Variants in KDM5B observed in about 807,000 individuals in gnomAD.
KDM5B encodes the protein lysine-specific demethylase 5B.
KDM5B carries 144 observed loss-of-function variants against 193.4 expected under a neutral mutation model. The observed-to-expected ratio is 0.74, with a 90% CI of 0.65 to 0.86. KDM5B has a LOEUF of 0.86. KDM5B is among the 40% of genes least tolerant of loss of function. The probability of loss-of-function intolerance (pLI) is 0.00; values close to 1 mark genes in which losing one functional copy is unlikely to be tolerated. For missense variants in KDM5B, 1,833 were observed against 1,886.9 expected (o/e 0.97, Z 0.53); for synonymous variants, 668 against 682.6 (o/e 0.98, Z 0.33).
At chr1:202,783,748 G>A (rs1302936780) in intron 1 of KDM5B, among the ~76,000 whole-genome samples, 1 of 152,092 alleles carries the variant, frequency 6.6e-6, no homozygotes, top group Admixed American at 6.5e-5. Context: ...AGGCGTGGTG[G>A]CGGGCGCCTG....
At chr1:202,772,176 G>A (rs1656747926) in intron 4 of KDM5B, among the ~76,000 whole-genome samples, 1 of 152,142 alleles carries the variant, frequency 6.6e-6, no homozygotes, top group African/African-American at 2.4e-5. Context: ...AAAGTTATAG[G>A]ACTCACTGCT....
rs1656796779 is a variant in KDM5B, at chr1:202,773,254, CA to C, written c.439del (p.Cys147AlafsTer45). On this transcript the variant is annotated frameshift_variant, in exon 4 of 27. Coordinates refer to ENST00000367265, the MANE Select transcript of KDM5B (RefSeq NM_006618.5). LOFTEE classifies it high-confidence loss of function. ...VAEEGGFAVV[C>X]KDRKWTKIAT... ...AATTTTGGTCCATTTTCTATCCTTG[CA>C]AACAACTGCAAATCCACCTTCTTCT... 1 of 1,613,944 alleles carries C rather than the reference CA, an allele frequency of 6.2e-7. No individual in the cohort carries two copies. Among genetic ancestry groups the C allele is most frequent in the African/African-American group, 1.3e-5 (1 of 74,904 alleles).
chr1:202,772,580 T>C (rs1219404101), intron 4 of KDM5B, among the ~76,000 whole-genome samples: 1 of 152,158 alleles, frequency 6.6e-6, no homozygotes, highest in African/African-American at 2.4e-5. Flanking sequence ...CTCCTCAGCT[T>C]TGGACAGTAA....
At chr1:202,767,689 G>A (rs1391578922) in intron 4 of KDM5B, among the ~76,000 whole-genome samples, 1 of 151,786 alleles carries the variant, frequency 6.6e-6, no homozygotes, top group Non-Finnish European at 1.5e-5. Context: ...CATCTATACA[G>A]GTTTAAAACA....
At position 202,741,527 on chromosome 1, in the gene KDM5B, C is replaced by A. The variant is rs781301992; in HGVS notation, c.2785G>T (p.Asp929Tyr). The A allele has an allele frequency of 6.2e-7, 1 of 1,614,190 alleles. No individual in the cohort carries two copies. Among genetic ancestry groups the A allele is most frequent in the Non-Finnish European group, 8.5e-7 (1 of 1,180,034 alleles). Residue 929 changes from aspartate (D) to tyrosine (Y), a missense_variant, in exon 19 of 27, where the codon GAC (aspartate) becomes TAC (tyrosine). By Grantham distance (160) the Asp-to-Tyr change is radical. This residue lies in a region of KDM5B where 1,379 missense variants were observed against 1,349.6 expected (regional missense o/e 1.02). Coordinates refer to ENST00000367265, the MANE Select transcript of KDM5B (RefSeq NM_006618.5). ...WLEEVQQACL[D>Y]PSSLTLDDMR... The stretch of plus-strand genomic sequence containing the variant: ...TCATCTAAAGTAAGGGAGCTGGGGT[C>A]TAGGCAAGCTTGCTGCACCTCTTCT...
At chr1:202,774,503 C>A (rs1431194292) in intron 3 of KDM5B, 110 bp downstream of exon 3, 12 of 950,560 alleles carry the variant, frequency 1.3e-5, no homozygotes, top group Admixed American at 2.2e-5. Context: ...GCTGAGATTA[C>A]AGGTGCGAGC....
rs185392379 is a variant in KDM5B, at chr1:202,734,672, A to G, written c.3423+757T>C. ...CCACAGATGGAATGGAGGACCTCTG[A>G]TGGCAGAATTCTGTCTAGAACCTGA... On this transcript the variant is annotated intron_variant, in intron 22 of 26. Coordinates refer to ENST00000367265, the MANE Select transcript of KDM5B (RefSeq NM_006618.5). Among the ~76,000 whole-genome samples the G allele has an allele frequency of 3.9e-5, 6 of 152,370 alleles. No homozygotes were observed. The East Asian group carries it at 9.6e-4, about 24-fold the overall frequency.
Position 202,745,899 on chromosome 1 carries a change from T to C in KDM5B, c.2282A>G (p.Asn761Ser). ...RAESYNEWALNVNEALEAKIN... is the reference protein window; with the variant it reads ...RAESYNEWALSVNEALEAKIN... ...CTTTGCCTCCAAAGCTTCATTCACA[T>C]TCAAGGCCCATTCGTTGTAAGATTC... The change falls in exon 16 of 27, where the codon AAT (asparagine) becomes AGT (serine). Residue 761 changes from asparagine (N) to serine (S), a missense_variant. Physicochemically the swap from Asn to Ser is conservative, Grantham distance 46 (BLOSUM62 1). Transcript: ENST00000367265. 1 of 1,614,068 alleles carries C rather than the reference T, an allele frequency of 6.2e-7. No individual in the cohort carries two copies. The highest frequency in any genetic ancestry group is 1.3e-5 in the African/African-American group (1 of 75,052).
chr1:202,756,343 C>A lies in KDM5B; in HGVS notation c.1356+15G>T. 1 of 1,566,468 alleles carries A rather than the reference C, an allele frequency of 6.4e-7. No homozygotes were observed. Among genetic ancestry groups the A allele is most frequent in the Non-Finnish European group, 8.6e-7 (1 of 1,157,228 alleles). Reference sequence around the variant, plus strand: ...TCAATAAATACCTCAATTTCCAAGCCACTTATATGCCTACCTCTTCCTCAG... The same window carrying A: ...TCAATAAATACCTCAATTTCCAAGCAACTTATATGCCTACCTCTTCCTCAG... On this transcript the variant is annotated intron_variant, in intron 10 of 26. Coordinates refer to ENST00000367265, the MANE Select transcript of KDM5B (RefSeq NM_006618.5).
At position 202,774,621 on chromosome 1, in the gene KDM5B, G is replaced by C; in HGVS notation, c.397C>G (p.Leu133Val). Residue 133 changes from leucine (L) to valine (V), a missense_variant, in exon 3 of 27, where the codon CTT becomes GTT. Leu to Val is a conservative substitution (Grantham distance 32). Around this residue, in one of 3 missense-constraint regions of KDM5B, gnomAD observed 355 missense variants for 374.9 expected, o/e 0.95. Coordinates refer to ENST00000367265, the MANE Select transcript of KDM5B (RefSeq NM_006618.5). ...VERKILDLFQ[L>V]NKLVAEEGGF... Reference sequence around the variant, plus strand: ...GGTCATTAGCTCTTTACCTTATTAAGCTGAAATAAGTCCAAGATCTTCCTC... The same window carrying C: ...GGTCATTAGCTCTTTACCTTATTAACCTGAAATAAGTCCAAGATCTTCCTC... 6.2e-7 allele frequency: 1 copy of C among 1,610,190 alleles called. No homozygotes were observed. The highest frequency in any genetic ancestry group is 8.5e-7 in the Non-Finnish European group (1 of 1,176,636).
In KDM5B at chr1:202,728,902, C is replaced by A; in HGVS notation, c.*134G>T. 2.1e-6 allele frequency: 2 copies of A among 974,756 alleles called. No individual in the cohort carries two copies. The highest frequency in any genetic ancestry group is 3.0e-6 in the Non-Finnish European group (2 of 668,862). The allele number at this position is 974,756 out of a possible 1,614,324, so 60.4% of individuals were successfully genotyped here. The stretch of plus-strand genomic sequence containing the variant: ...TTCAAAGAGTCCTGGAAAAATGATC[C>A]CATAAGGAATAGAAATAGCACCGTT... On this transcript the variant is annotated 3_prime_UTR_variant, in exon 27 of 27. Coordinates refer to ENST00000367265, the MANE Select transcript of KDM5B (RefSeq NM_006618.5).
intron 16 of KDM5B, among the ~76,000 whole-genome samples, chr1:202,743,453 C>T (rs1356504081): frequency 6.6e-6 from 1 of 151,862 alleles, no homozygotes; most frequent in Non-Finnish European, 1.5e-5. Context: ...GCTTGAACCA[C>T]TTCTTCCTCC....
intron 1 of KDM5B, among the ~76,000 whole-genome samples, chr1:202,801,634 C>CAATTTTACTTAAAATTA (rs11270259): frequency 1.3e-5 from 2 of 151,928 alleles, no homozygotes; most frequent in South Asian, 4.1e-4. Context: ...TTTTTATTTA[C>CAATTTTACTTAAAATTA]AATTTTCATT....
At chr1:202,799,045 C>A (rs1289393809) in intron 1 of KDM5B, among the ~76,000 whole-genome samples, 1 of 152,092 alleles carries the variant, frequency 6.6e-6, no homozygotes, top group Non-Finnish European at 1.5e-5. Flanking sequence ...AATCCCTTCA[C>A]TATATGGGAA....
chr1:202,793,135 A>G (rs771664158), intron 1 of KDM5B, among the ~76,000 whole-genome samples: 13 of 152,184 alleles, frequency 8.5e-5, no homozygotes, highest in Non-Finnish European at 1.9e-4. Flanking sequence ...ATGGTTTGCA[A>G]CATCCAATTT....
At chr1:202,786,828 C>G (rs893087251) in intron 1 of KDM5B, among the ~76,000 whole-genome samples, 1 of 152,104 alleles carries the variant, frequency 6.6e-6, no homozygotes, top group Non-Finnish European at 1.5e-5. Context: ...GGGTGGATCA[C>G]CTGAGGTCAG....
chr1:202,736,166 A>C, intron 21 of KDM5B, 47 bp downstream of exon 21: 1 of 1,376,392 alleles, frequency 7.3e-7, no homozygotes, highest in Non-Finnish European at 9.7e-7. Flanking sequence ...ATGTTTTACC[A>C]AACTAGGAGA....
intron 4 of KDM5B, 188 bp from the exon 5 acceptor site, chr1:202,767,248 T>C: frequency 6.3e-7 from 1 of 1,590,788 alleles, no homozygotes; most frequent in Non-Finnish European, 8.6e-7. Flanking sequence ...AAGCAGTTGG[T>C]GTCTTACTAC....
At chr1:202,782,095 G>A (rs752074801) in intron 1 of KDM5B, among the ~76,000 whole-genome samples, 7 of 152,130 alleles carry the variant, frequency 4.6e-5, no homozygotes, top group Non-Finnish European at 8.8e-5. Context: ...CAATAAGGAT[G>A]CTCATACAGT....
Sources: allele counts gnomAD v4.1 joint callset (sites outside exome capture counted in the v4.1 genomes callset), GRCh38; gene constraint gnomAD v4.1.1; regional missense constraint gnomAD v4.1.1; transcripts MANE v1.5; gene names NCBI Gene and HGNC (gene_info 2026-07-23, HGNC 2026-07-21).